Variants in ADAMTS20 observed in about 807,000 individuals in gnomAD.
ADAMTS20 encodes ADAM metallopeptidase with thrombospondin type 1 motif 20.
ADAMTS20 carries 225 observed loss-of-function variants against 260.1 expected under a neutral mutation model. That is an observed-to-expected ratio of 0.87 (90% CI 0.78 to 0.97). The LOEUF (loss-of-function observed/expected upper bound fraction) is 0.97. ADAMTS20 is among the 50% of genes least tolerant of loss of function. The pLI, the probability that ADAMTS20 is intolerant of heterozygous loss-of-function variation, is 0.00. For missense variants in ADAMTS20, 2,400 were observed against 2,337.7 expected (o/e 1.03, Z -0.55); for synonymous variants, 802 against 769.5 (o/e 1.04, Z -0.70).
intron 2 of ADAMTS20, among the ~76,000 whole-genome samples, chr12:43,543,174 TG>T (rs895229278): frequency 6.6e-6 from 1 of 151,764 alleles, no homozygotes; most frequent in African/African-American, 2.4e-5. Context: ...TGGTCAGGTG[TG>T]GGGGGGTGTG....
At chr12:43,430,527 T>A (rs909671142) in intron 22 of ADAMTS20, 56 bp from the exon 23 acceptor site, 12 of 1,506,902 alleles carry the variant, frequency 8.0e-6, no homozygotes, top group Non-Finnish European at 9.9e-6. Context: ...TTACACAAAC[T>A]TCTATTTTCT....
intron 36 of ADAMTS20, among the ~76,000 whole-genome samples, chr12:43,374,495 G>A (rs1940178930): frequency 6.6e-6 from 1 of 152,064 alleles, no homozygotes; most frequent in South Asian, 2.1e-4. Context: ...TGACTTGATT[G>A]TATTATAAAT....
intron 7 of ADAMTS20, among the ~76,000 whole-genome samples, chr12:43,480,635 G>A (rs186690017): frequency 1.1e-4 from 16 of 152,248 alleles, no homozygotes; most frequent in Non-Finnish European, 1.3e-4. Flanking sequence ...TAAAGAAGAA[G>A]AACATTCTGT....
chr12:43,423,802 T>C (rs1054377796), intron 28 of ADAMTS20: 14 of 703,474 alleles, frequency 2.0e-5, no homozygotes, highest in African/African-American at 1.7e-4. Context: ...TAGGATATAG[T>C]AGATGGTCAG....
chr12:43,425,135 T>C (rs1287335379), intron 28 of ADAMTS20, among the ~76,000 whole-genome samples: 1 of 152,176 alleles, frequency 6.6e-6, no homozygotes, highest in Non-Finnish European at 1.5e-5. Flanking sequence ...GATACCATTA[T>C]CCTCAGCAAA....
At chr12:43,458,167 G>A (rs1941999073) in intron 11 of ADAMTS20, among the ~76,000 whole-genome samples, 1 of 152,172 alleles carries the variant, frequency 6.6e-6, no homozygotes, top group Non-Finnish European at 1.5e-5. Flanking sequence ...CTCAAAGCAA[G>A]CCCCTCCCCA....
At chr12:43,467,313 A>G (rs1329603935) in intron 8 of ADAMTS20, among the ~76,000 whole-genome samples, 1 of 152,074 alleles carries the variant, frequency 6.6e-6, no homozygotes, top group East Asian at 1.9e-4. Context: ...CAACAGAACT[A>G]GAATAATAAA....
intron 4 of ADAMTS20, among the ~76,000 whole-genome samples, chr12:43,493,542 C>T (rs116310714): frequency 0.015 from 2,284 of 152,214 alleles, 52 homozygotes; most frequent in African/African-American, 0.051. Flanking sequence ...TAACCTAGAG[C>T]TGATATGAAA....
At chr12:43,447,521 C>T (rs1427448339) in intron 14 of ADAMTS20, among the ~76,000 whole-genome samples, 1 of 152,080 alleles carries the variant, frequency 6.6e-6, no homozygotes, top group African/African-American at 2.4e-5. Context: ...CTATGACAAA[C>T]CCACAACAGC....
intron 36 of ADAMTS20, among the ~76,000 whole-genome samples, chr12:43,371,729 T>C (rs2137203361): frequency 6.6e-6 from 1 of 152,194 alleles, no homozygotes; most frequent in Admixed American, 6.5e-5. Flanking sequence ...CCACTGTGTC[T>C]GTAGTAGGAG....
At position 43,420,800 on chromosome 12, in the gene ADAMTS20, C is replaced by CTTTTTTTTTTTTTTTTTTTTTTTTTT. The variant is rs747496684; in HGVS notation, c.4284+4713_4284+4714insAAAAAAAAAAAAAAAAAAAAAAAAAA. On this transcript the variant is annotated intron_variant, in intron 28 of 38. Coordinates refer to ENST00000389420, the MANE Select transcript of ADAMTS20 (RefSeq NM_025003.5). ...TCTTCTTCTTCTCCTCCTCCTCCTT[C>CTTTTTTTTTTTTTTTTTTTTTTTTTT]TTTTTTTTTTTTTTTTTTTTTTTTT... Among the ~76,000 whole-genome samples the CTTTTTTTTTTTTTTTTTTTTTTTTTT allele has an allele frequency of 1.5e-3, 84 of 55,510 alleles. 16 individuals carry two copies. In the East Asian group the frequency reaches 0.02, roughly 14 times the overall value. 36.4% of individuals were successfully genotyped at this position (55,510 alleles called of 152,430 possible).
intron 3 of ADAMTS20, among the ~76,000 whole-genome samples, chr12:43,529,738 A>G (rs1476757431): frequency 6.6e-6 from 1 of 152,126 alleles, no homozygotes; most frequent in Non-Finnish European, 1.5e-5. Flanking sequence ...GCACTAAAAT[A>G]TCAGAATTCA....
intron 4 of ADAMTS20, among the ~76,000 whole-genome samples, chr12:43,501,475 G>GCACACACACACACA (rs1353322850): frequency 2.1e-3 from 124 of 59,100 alleles, no homozygotes; most frequent in African/African-American, 5.2e-3. Context: ...GCGCGCGCGC[G>GCACACACACACACA]CGCGCGCACA....
intron 16 of ADAMTS20, among the ~76,000 whole-genome samples, chr12:43,442,482 T>C (rs1941685527): frequency 6.6e-6 from 1 of 152,214 alleles, no homozygotes; most frequent in Middle Eastern, 3.4e-3. Flanking sequence ...GGTCTCGAAC[T>C]CCTGACCTCA....
At chr12:43,471,396 G>A (rs1480319754) in intron 7 of ADAMTS20, among the ~76,000 whole-genome samples, 3 of 122,984 alleles carry the variant, frequency 2.4e-5, no homozygotes, top group East Asian at 2.9e-4. Flanking sequence ...CAAGGCGGCA[G>A]CGAGGCTGGG....
At chr12:43,394,751 A>G (rs1940664787) in intron 29 of ADAMTS20, among the ~76,000 whole-genome samples, 1 of 152,116 alleles carries the variant, frequency 6.6e-6, no homozygotes, top group Admixed American at 6.6e-5. Context: ...TGGGATAACG[A>G]TAACTAGTAT....
chr12:43,469,416 A>G (rs1942212889), intron 7 of ADAMTS20, among the ~76,000 whole-genome samples: 1 of 152,160 alleles, frequency 6.6e-6, no homozygotes, highest in African/African-American at 2.4e-5. Context: ...AGACAGCAAT[A>G]ATTATCATAT....
chr12:43,490,256 A>G, intron 7 of ADAMTS20, 139 bp downstream of exon 7: 1 of 479,630 alleles, frequency 2.1e-6, no homozygotes, highest in Non-Finnish European at 3.7e-6. Flanking sequence ...GAATGAAATA[A>G]GTGACAAGTG....
intron 36 of ADAMTS20, among the ~76,000 whole-genome samples, chr12:43,372,444 C>T (rs2220867): frequency 0.23 from 34,192 of 151,928 alleles, 4,599 homozygotes; most frequent in African/African-American, 0.37. Context: ...CTGGAAGTGA[C>T]ATGAATAAGA....
Sources: gnomAD v4.1 joint callset for allele counts (sites outside exome capture counted in the v4.1 genomes callset) on GRCh38, gnomAD v4.1.1 for gene constraint, MANE v1.5 for transcripts, NCBI Gene and HGNC (gene_info 2026-07-23, HGNC 2026-07-21) for gene names.